Variants in SIRPG observed in about 807,000 individuals in gnomAD.
SIRPG encodes signal-regulatory protein gamma.
Under a neutral mutation model 35.7 loss-of-function variants are expected in SIRPG, and 38 were observed. That is an observed-to-expected ratio of 1.06 (90% CI 0.82 to 1.40). The LOEUF is 1.40. SIRPG is among the 40% of genes most tolerant of loss of function. SIRPG has a pLI of 0.00. For missense variants in SIRPG, 519 were observed against 483.0 expected (o/e 1.07, Z -0.70); for synonymous variants, 215 against 190.4 (o/e 1.13, Z -1.06).
the SIRPG span, among the ~76,000 whole-genome samples, chr20:1,668,198 C>CT: frequency 6.1e-4 from 13 of 21,344 alleles, no homozygotes; most frequent in African/African-American, 1.2e-3. Flanking sequence ...TTTTTCTTTT[C>CT]TTTTCTTTCT....
upstream of SIRPG, chr20:1,657,838 G>A (rs747590813): frequency 7.1e-6 from 6 of 840,486 alleles, no homozygotes; most frequent in Non-Finnish European, 9.4e-6. Flanking sequence ...ATGATGGAAT[G>A]CAACAGTAAC....
rs569831083 is a variant in SIRPG, at chr20:1,653,444, G to A, written c.74-4036C>T. Among the ~76,000 whole-genome samples the A allele has an allele frequency of 9.8e-5, 15 of 152,306 alleles. No individual in the cohort carries two copies. In the South Asian group the frequency reaches 2.9e-3, roughly 29 times the overall value. On this transcript the variant is annotated intron_variant, in intron 1 of 5. Coordinates refer to ENST00000303415, the MANE Select transcript of SIRPG (RefSeq NM_018556.4). ...TTGCTCAGTAGATTTCTGAGGCTTGGAGGCTTCAGTGGACATTAGATGACA... is the reference window on the plus strand; with the variant it reads ...TTGCTCAGTAGATTTCTGAGGCTTGAAGGCTTCAGTGGACATTAGATGACA...
Position 1,649,318 on chromosome 20 carries a change from A to ACAGTG in SIRPG, c.159_163dup (p.Val55AlafsTer3). The ACAGTG allele has an allele frequency of 1.2e-6, 2 of 1,614,180 alleles. No homozygotes were observed. Among genetic ancestry groups the ACAGTG allele is most frequent in the Non-Finnish European group, 1.7e-6 (2 of 1,180,036 alleles). On this transcript the variant is annotated frameshift_variant, in exon 2 of 6. Coordinates refer to ENST00000303415, the MANE Select transcript of SIRPG (RefSeq NM_018556.4). LOFTEE classifies it high-confidence loss of function. ...GGGTCCCACGGGAAGCAGGGAGGTC[A>ACAGTG]CAGTGCAGTGCAGAGTGGCTGTCTT...
the SIRPG span, among the ~76,000 whole-genome samples, chr20:1,677,473 C>T: frequency 6.6e-6 from 1 of 152,170 alleles, no homozygotes; most frequent in Non-Finnish European, 1.5e-5. Flanking sequence ...ATGGAGTCTG[C>T]TCCATCAGCC....
chr20:1,670,518 T>C, the SIRPG span, among the ~76,000 whole-genome samples: 1 of 152,196 alleles, frequency 6.6e-6, no homozygotes, highest in South Asian at 2.1e-4. Context: ...TGAAATGTCA[T>C]AACTGCAGCA....
Position 1,636,345 on chromosome 20 carries a change from G to A in SIRPG, c.591C>T (p.Asp197=), listed in dbSNP as rs749599207. Residue 197 remains aspartate (D), a synonymous_variant, in exon 3 of 6, where the codon GAC becomes GAT. Transcript: ENST00000303415. ...TGTAGGCCACACTCTGTCCTGTGGG[G>A]TCCACGTTGGTCTGGAAGTCTGAGA... The part of the protein sequence containing the change: ...NELSDFQTNV[D]PTGQSVAYSI... The A allele has an allele frequency of 1.2e-6, 2 of 1,614,248 alleles. No homozygotes were observed. The highest frequency in any genetic ancestry group is 1.1e-5 in the South Asian group (1 of 91,086).
the SIRPG span, among the ~76,000 whole-genome samples, chr20:1,671,866 C>T: frequency 6.6e-6 from 1 of 152,156 alleles, no homozygotes; most frequent in African/African-American, 2.4e-5. Context: ...GGTTTTCCAC[C>T]CTGGGTGGGC....
chr20:1,654,135 A>G (rs1026691737), intron 1 of SIRPG, among the ~76,000 whole-genome samples: 2 of 151,522 alleles, frequency 1.3e-5, no homozygotes, highest in African/African-American at 4.8e-5. Flanking sequence ...GCTACTTGGG[A>G]GGCTGAGGCA....
At chr20:1,660,685 C>T (rs1382623149), upstream of SIRPG, among the ~76,000 whole-genome samples, 2 of 152,104 alleles carry the variant, frequency 1.3e-5, no homozygotes, top group African/African-American at 4.8e-5. Flanking sequence ...TAGATAAAAT[C>T]TGAATGTTTG....
intron 3 of SIRPG, 138 bp from the exon 4 acceptor site, chr20:1,635,737 A>G: frequency 1.1e-6 from 1 of 905,306 alleles, no homozygotes; most frequent in African/African-American, 1.7e-5. Flanking sequence ...TAAGACATTG[A>G]GGGCGCTCTT....
the SIRPG span, among the ~76,000 whole-genome samples, chr20:1,663,171 G>A: frequency 6.6e-6 from 1 of 152,072 alleles, no homozygotes; most frequent in African/African-American, 2.4e-5. Context: ...AAATTAGCCG[G>A]GCGTGGTGGT....
the SIRPG span, chr20:1,670,237 T>C: frequency 3.9e-6 from 1 of 253,912 alleles, no homozygotes. Flanking sequence ...CCAAGAAGGG[T>C]GGAACTGAAA....
the SIRPG span, among the ~76,000 whole-genome samples, chr20:1,682,966 C>T: frequency 3.9e-5 from 6 of 152,240 alleles, no homozygotes; most frequent in East Asian, 1.2e-3. Flanking sequence ...AGACAACATA[C>T]AGAATGGGAA....
chr20:1,656,337 A>G (rs2091975447), intron 1 of SIRPG, among the ~76,000 whole-genome samples: 1 of 152,238 alleles, frequency 6.6e-6, no homozygotes, highest in Non-Finnish European at 1.5e-5. Flanking sequence ...CAAATAGAGC[A>G]CAAGAGTTAT....
chr20:1,652,462 A>C (rs1374025227), intron 1 of SIRPG, among the ~76,000 whole-genome samples: 1 of 152,260 alleles, frequency 6.6e-6, no homozygotes, highest in Admixed American at 6.5e-5. Flanking sequence ...AATACTAGCT[A>C]ACTGAATTGA....
At chr20:1,643,431 G>C (rs2091871516) in intron 2 of SIRPG, among the ~76,000 whole-genome samples, 1 of 152,112 alleles carries the variant, frequency 6.6e-6, no homozygotes, top group African/African-American at 2.4e-5. Context: ...GGTCATTTAT[G>C]TTCCTCTATA....
At chr20:1,644,711 G>T (rs1343311431) in intron 2 of SIRPG, among the ~76,000 whole-genome samples, 3 of 152,160 alleles carry the variant, frequency 2.0e-5, no homozygotes, top group Non-Finnish European at 2.9e-5. Context: ...GGGATCTCCC[G>T]ATCTGAGGGT....
intron 4 of SIRPG, chr20:1,633,386 T>C (rs983328334): frequency 6.6e-6 from 1 of 152,260 alleles, no homozygotes; most frequent in African/African-American, 2.4e-5. Context: ...AAAATTTGAA[T>C]GTATACTCCA....
chr20:1,659,368 CA>C (rs2091990167), upstream of SIRPG, among the ~76,000 whole-genome samples: 1 of 152,204 alleles, frequency 6.6e-6, no homozygotes, highest in Non-Finnish European at 1.5e-5. Context: ...CAGATGTACA[CA>C]GGGTGAAATC....
Sources: gnomAD v4.1 joint callset for allele counts (sites outside exome capture counted in the v4.1 genomes callset) on GRCh38, gnomAD v4.1.1 for gene constraint, MANE v1.5 for transcripts, NCBI Gene and HGNC (gene_info 2026-07-23, HGNC 2026-07-21) for gene names.